The following ADAM32 variants were observed in gnomAD, a reference collection of about 807,000 sequenced individuals.
ADAM32 encodes ADAM metallopeptidase domain 32.
ADAM32 carries 89 observed loss-of-function variants against 114.9 expected under a neutral mutation model. The observed-to-expected ratio is 0.77, with a 90% CI of 0.65 to 0.92. The LOEUF is 0.92. ADAM32 is among the 40% of genes least tolerant of loss of function. The pLI is 0.00. For synonymous variants in ADAM32, 285 were observed against 307.5 expected (o/e 0.93, Z 0.77); for missense variants, 870 against 932.8 (o/e 0.93, Z 0.88).
intron 2 of ADAM32, among the ~76,000 whole-genome samples, chr8:39,133,718 T>C (rs1802603356): frequency 6.6e-6 from 1 of 152,170 alleles, no homozygotes; most frequent in African/African-American, 2.4e-5. Flanking sequence ...TTTTCCAGGC[T>C]CCTGGGAGGC....
intron 23 of ADAM32, among the ~76,000 whole-genome samples, chr8:39,281,920 C>A (rs1813442962): frequency 6.6e-6 from 1 of 152,122 alleles, no homozygotes; most frequent in Non-Finnish European, 1.5e-5. Context: ...TAGGCTACAC[C>A]AAAACATTAT....
intron 19 of ADAM32, among the ~76,000 whole-genome samples, chr8:39,260,564 T>A (rs1764739972): frequency 6.6e-6 from 1 of 152,146 alleles, no homozygotes; most frequent in African/African-American, 2.4e-5. Flanking sequence ...ATCTGTTGAG[T>A]GTATTTTCAA....
chr8:39,122,937 TA>T (rs1478585041), intron 2 of ADAM32, among the ~76,000 whole-genome samples: 1 of 152,210 alleles, frequency 6.6e-6, no homozygotes, highest in East Asian at 1.9e-4. Context: ...CAGACTAATG[TA>T]AGGTCTTTAC....
intron 12 of ADAM32, among the ~76,000 whole-genome samples, chr8:39,219,672 A>G (rs1808820767): frequency 6.6e-6 from 1 of 152,052 alleles, no homozygotes; most frequent in Admixed American, 6.6e-5. Flanking sequence ...ATTCTTTCCC[A>G]CCCTCTTTGG....
intron 1 of ADAM32, among the ~76,000 whole-genome samples, chr8:39,113,392 C>T (rs759763238): frequency 1.3e-5 from 2 of 152,162 alleles, no homozygotes; most frequent in Middle Eastern, 3.2e-3. Context: ...TCTTCTCTTG[C>T]GCTGGGTCCA....
chr8:39,175,329 A>G (rs1805458315), intron 10 of ADAM32, among the ~76,000 whole-genome samples: 1 of 152,128 alleles, frequency 6.6e-6, no homozygotes, highest in African/African-American at 2.4e-5. Flanking sequence ...TTTTCCATAG[A>G]TGGTTCTTAT....
intron 23 of ADAM32, among the ~76,000 whole-genome samples, chr8:39,281,592 A>G (rs1001449676): frequency 6.6e-6 from 1 of 152,208 alleles, no homozygotes; most frequent in Non-Finnish European, 1.5e-5. Context: ...ATTTCCACTT[A>G]GGAAGAGTTT....
chr8:39,271,552 A>T (rs1812731512), intron 20 of ADAM32, among the ~76,000 whole-genome samples: 1 of 148,916 alleles, frequency 6.7e-6, no homozygotes, highest in African/African-American at 2.4e-5. Flanking sequence ...AAAAAAAAAA[A>T]TGCTTAGGAT....
At chr8:39,169,869 T>G in intron 9 of ADAM32, 47 bp from the exon 10 acceptor site, 1 of 1,383,762 alleles carries the variant, frequency 7.2e-7, no homozygotes, top group Middle Eastern at 2.5e-4. Flanking sequence ...TTCTCATTTT[T>G]AAATTGTCTG....
intron 21 of ADAM32, 57 bp from the exon 22 acceptor site, chr8:39,275,771 G>A: frequency 6.8e-7 from 1 of 1,474,146 alleles, no homozygotes; most frequent in Non-Finnish European, 9.1e-7. Context: ...ATTCATTATG[G>A]AGGCACATTT....
chr8:39,128,088 T>C (rs998285373), intron 2 of ADAM32, among the ~76,000 whole-genome samples: 3 of 152,074 alleles, frequency 2.0e-5, no homozygotes, highest in Non-Finnish European at 2.9e-5. Context: ...AATTTTCTGT[T>C]TCGATGATCT....
At chr8:39,201,283 G>T (rs1178868743) in intron 11 of ADAM32, among the ~76,000 whole-genome samples, 1 of 152,106 alleles carries the variant, frequency 6.6e-6, no homozygotes, top group Non-Finnish European at 1.5e-5. Flanking sequence ...ATTTGTTTGT[G>T]TCCTCTTTTA....
intron 2 of ADAM32, among the ~76,000 whole-genome samples, chr8:39,128,460 C>T (rs1293703881): frequency 1.3e-5 from 2 of 152,118 alleles, no homozygotes; most frequent in Non-Finnish European, 2.9e-5. Context: ...TGGGTCTTGG[C>T]TCTTTATCCA....
intron 17 of ADAM32, among the ~76,000 whole-genome samples, chr8:39,254,061 C>T (rs1811473088): frequency 6.6e-6 from 1 of 151,472 alleles, no homozygotes; most frequent in South Asian, 2.1e-4. Context: ...GAAAATAGCT[C>T]AAAGATAGAC....
chr8:39,226,955 T>A (rs1357344301), intron 14 of ADAM32, among the ~76,000 whole-genome samples: 1 of 152,204 alleles, frequency 6.6e-6, no homozygotes, highest in Non-Finnish European at 1.5e-5. Context: ...AATAATTTGT[T>A]AAGGAACATG....
chr8:39,115,086 T>C (rs1298270471), intron 1 of ADAM32, among the ~76,000 whole-genome samples: 1 of 152,250 alleles, frequency 6.6e-6, no homozygotes, highest in Non-Finnish European at 1.5e-5. Context: ...CCATGGTGTA[T>C]ATACACAACA....
intron 2 of ADAM32, chr8:39,131,963 G>A (rs1451538436): frequency 4.0e-5 from 12 of 299,744 alleles, no homozygotes; most frequent in South Asian, 1.0e-4. Flanking sequence ...GCACGATCTC[G>A]GCTCACCTCA....
At chr8:39,125,509 C>A (rs534146911) in intron 2 of ADAM32, among the ~76,000 whole-genome samples, 1 of 152,256 alleles carries the variant, frequency 6.6e-6, no homozygotes, top group African/African-American at 2.4e-5. Context: ...GATGGAATTT[C>A]GAACTTGGAA....
At chr8:39,244,525 G>A (rs1250741303) in intron 16 of ADAM32, among the ~76,000 whole-genome samples, 1 of 152,158 alleles carries the variant, frequency 6.6e-6, no homozygotes, top group Non-Finnish European at 1.5e-5. Context: ...CTTTGACAAA[G>A]CAAACAAAAA....
Sources: gnomAD v4.1 joint callset for allele counts (sites outside exome capture counted in the v4.1 genomes callset) on GRCh38, gnomAD v4.1.1 for gene constraint, MANE v1.5 for transcripts, NCBI Gene and HGNC (gene_info 2026-07-23, HGNC 2026-07-21) for gene names.